The following PRKCH variants were observed in gnomAD, a reference collection of about 807,000 sequenced individuals.
PRKCH encodes the protein protein kinase C eta type.
Under a neutral mutation model 82.5 loss-of-function variants are expected in PRKCH, and 28 were observed. That is an observed-to-expected ratio of 0.34 (90% confidence interval 0.25 to 0.47). The LOEUF is 0.47. Ranked by LOEUF, PRKCH falls within the 20% of genes least tolerant of loss-of-function variation. PRKCH has a pLI of 1.00. For synonymous variants in PRKCH, 322 were observed against 327.4 expected, an observed-to-expected ratio of 0.98 and a Z score of 0.18; for missense variants, 705 against 881.8, an observed-to-expected ratio of 0.80 and a Z score of 2.54.
In PRKCH at chr14:61,529,208, C is replaced by G. The variant is rs1333747945; in HGVS notation, c.1567C>G (p.Pro523Ala). ...CTGTGGCACGCCAGACTATATCGCT[C>G]CAGAGGTGAGTGCAGCTGCTTGATG... is the stretch of plus-strand genomic sequence containing the variant. ...TFCGTPDYIA[P>A]EILQEMLYGP... The change falls in exon 11 of 14, where the codon CCA becomes GCA. Residue 523 changes from proline to alanine, a missense_variant. Transcript: ENST00000332981. The G allele has an allele frequency of 6.2e-7, 1 of 1,611,514 alleles. No individual in the cohort carries two copies. The highest frequency in any genetic ancestry group is 1.3e-5 in the African/African-American group (1 of 74,924).
At chr14:61,507,064 T>C (rs950375944) in intron 10 of PRKCH, among the ~76,000 whole-genome samples, 1 of 152,158 alleles carries the variant, frequency 6.6e-6, no homozygotes, top group African/African-American at 2.4e-5. Flanking sequence ...ATCCAAAGCA[T>C]ATAAGCAACT....
At chr14:61,342,398 A>T (rs1833712895) in intron 1 of PRKCH, among the ~76,000 whole-genome samples, 1 of 152,154 alleles carries the variant, frequency 6.6e-6, no homozygotes, top group Non-Finnish European at 1.5e-5. Context: ...CTGCTTAAAG[A>T]TTTGAAAAAT....
chr14:61,193,160 G>T (rs769241175), intron 1 of PRKCH, among the ~76,000 whole-genome samples: 35 of 152,214 alleles, frequency 2.3e-4, no homozygotes, highest in South Asian at 1.0e-3. Flanking sequence ...CTGGATTGAT[G>T]AAAAGACCTA....
intron 6 of PRKCH, among the ~76,000 whole-genome samples, chr14:61,452,041 T>C (rs1041546606): frequency 6.6e-6 from 1 of 152,228 alleles, no homozygotes; most frequent in East Asian, 1.9e-4. Context: ...GGGAAATCCC[T>C]TTCTGCCTTG....
At chr14:61,534,640 C>A (rs2043083990) in intron 12 of PRKCH, among the ~76,000 whole-genome samples, 1 of 152,076 alleles carries the variant, frequency 6.6e-6, no homozygotes, top group East Asian at 1.9e-4. Flanking sequence ...TCATTAGAGG[C>A]ATAAACACAG....
At chr14:61,415,733 G>A (rs1882514395) in intron 2 of PRKCH, among the ~76,000 whole-genome samples, 1 of 152,090 alleles carries the variant, frequency 6.6e-6, no homozygotes, top group African/African-American at 2.4e-5. Context: ...TAGTCCAGTG[G>A]TATTAGGTAC....
At chr14:61,391,953 A>T (rs947506856) in intron 2 of PRKCH, among the ~76,000 whole-genome samples, 2 of 152,074 alleles carry the variant, frequency 1.3e-5, no homozygotes, top group African/African-American at 4.8e-5. Context: ...AAAGTGCTTT[A>T]TTTCACCACA....
At chr14:61,291,489 C>G (rs182449344) in intron 1 of PRKCH, among the ~76,000 whole-genome samples, 2,133 of 152,164 alleles carry the variant, frequency 0.014, 34 homozygotes, top group Middle Eastern at 0.086. Flanking sequence ...GCCACCACGC[C>G]CAGCTAATTT....
chr14:61,410,040 C>A (rs923848700), intron 2 of PRKCH, among the ~76,000 whole-genome samples: 1 of 152,290 alleles, frequency 6.6e-6, no homozygotes, highest in South Asian at 2.1e-4. Context: ...TGTATTTTTA[C>A]AGCATTTGGC....
In PRKCH at chr14:61,457,676, C is replaced by T; in HGVS notation, c.1275C>T (p.Thr425=). ...FLTQLFCCFQ[T]PDRLFFVMEF... is the part of the protein sequence containing the mutation. ...CTCAGTTGTTCTGCTGCTTTCAGACCCCCGTAAGTATGAATCACATTCACT... is the reference window on the plus strand; with the variant it reads ...CTCAGTTGTTCTGCTGCTTTCAGACTCCCGTAAGTATGAATCACATTCACT... Residue 425 remains threonine (T), a synonymous_variant, in exon 9 of 14, where the codon ACC becomes ACT. Coordinates refer to ENST00000332981, the MANE Select transcript of PRKCH (RefSeq NM_006255.5). 1 of 1,613,894 alleles carries T rather than the reference C, an allele frequency of 6.2e-7. No individual in the cohort carries two copies. Among genetic ancestry groups the T allele is most frequent in the South Asian group, 1.1e-5 (1 of 91,066 alleles).
chr14:61,453,366 T>G lies in PRKCH; in HGVS notation c.960+13T>G. On this transcript the variant is annotated intron_variant, in intron 7 of 13. Coordinates refer to ENST00000332981, the MANE Select transcript of PRKCH (RefSeq NM_006255.5). ...TTCTCCAACCTCGGTGAGACTTTGC[T>G]TTTTTTCCATGTCTCGTAATTTAGA... 6.2e-7 allele frequency: 1 copy of G among 1,608,932 alleles called. No individual in the cohort carries two copies. The highest frequency in any genetic ancestry group is 8.5e-7 in the Non-Finnish European group (1 of 1,176,754).
At chr14:61,540,982 C>T (rs1242784238) in intron 12 of PRKCH, among the ~76,000 whole-genome samples, 1 of 152,244 alleles carries the variant, frequency 6.6e-6, no homozygotes, top group Non-Finnish European at 1.5e-5. Flanking sequence ...CAAGCCCCAT[C>T]CCACCCCCAG....
chr14:61,534,876 G>A (rs2043087183), intron 12 of PRKCH, among the ~76,000 whole-genome samples: 1 of 152,154 alleles, frequency 6.6e-6, no homozygotes, highest in Admixed American at 6.5e-5. Context: ...TGTTTTCCAA[G>A]TGGAATGCAC....
intron 1 of PRKCH, among the ~76,000 whole-genome samples, chr14:61,193,460 TTAATTA>T (rs1380797391): frequency 6.6e-6 from 1 of 152,186 alleles, no homozygotes; most frequent in Non-Finnish European, 1.5e-5. Context: ...CAATCTCCTG[TTAATTA>T]TAAACAACAT....
chr14:61,427,360 A>G (rs1405090508), intron 2 of PRKCH, among the ~76,000 whole-genome samples: 1 of 152,174 alleles, frequency 6.6e-6, no homozygotes, highest in East Asian at 1.9e-4. Flanking sequence ...GCCCTTAGAG[A>G]CAATAGATGG....
At chr14:61,526,002 G>A (rs2042961176) in intron 10 of PRKCH, among the ~76,000 whole-genome samples, 1 of 152,158 alleles carries the variant, frequency 6.6e-6, no homozygotes, top group Non-Finnish European at 1.5e-5. Flanking sequence ...CAGGCACCCA[G>A]GCCTTATAGT....
At chr14:61,380,714 A>G (rs906429463) in intron 1 of PRKCH, among the ~76,000 whole-genome samples, 1 of 152,234 alleles carries the variant, frequency 6.6e-6, no homozygotes, top group Non-Finnish European at 1.5e-5. Flanking sequence ...TCGATTCTTC[A>G]GATATTGGAA....
intron 3 of PRKCH, among the ~76,000 whole-genome samples, chr14:61,444,016 CTT>C (rs1431837909): frequency 5.9e-5 from 9 of 152,166 alleles, no homozygotes; most frequent in Non-Finnish European, 1.3e-4. Flanking sequence ...TTGTTGTCAA[CTT>C]TAATTATTTT....
chr14:61,354,805 A>G (rs11851048), intron 1 of PRKCH, among the ~76,000 whole-genome samples: 4,494 of 152,270 alleles, frequency 0.03, 121 homozygotes, highest in African/African-American at 0.067. Context: ...TACATCTCAG[A>G]ATAACTAAGA....
Sources: gnomAD v4.1 joint callset for allele counts (sites outside exome capture counted in the v4.1 genomes callset) on GRCh38, gnomAD v4.1.1 for gene constraint, MANE v1.5 for transcripts, NCBI Gene and HGNC (gene_info 2026-07-23, HGNC 2026-07-21) for gene names.